The following CSF1R variants were observed in gnomAD, a reference collection of about 807,000 sequenced individuals.
CSF1R encodes the protein colony stimulating factor 1 receptor, also known as macrophage colony-stimulating factor 1 receptor.
CSF1R carries 40 observed loss-of-function variants against 110.0 expected under a neutral mutation model. The ratio of observed to expected loss-of-function variants is 0.36; its 90% CI spans 0.28 to 0.47. The LOEUF (loss-of-function observed/expected upper bound fraction) is 0.47, where lower values mean the gene tolerates loss of function less well. Ranked by LOEUF, CSF1R falls within the 20% of genes least tolerant of loss-of-function variation. The pLI is 0.99. For missense variants in CSF1R, 1,052 were observed against 1,253.0 expected (o/e 0.84, Z 2.42); for synonymous variants, 523 against 503.4 (o/e 1.04, Z -0.52).
At chr5:150,063,375 G>A (rs1034358173) in intron 10 of CSF1R, among the ~76,000 whole-genome samples, 28 of 151,898 alleles carry the variant, frequency 1.8e-4, no homozygotes, top group African/African-American at 6.3e-4. Flanking sequence ...TTGAGACAGA[G>A]TCTTGCTCCT....
At position 150,073,305 on chromosome 5, in the gene CSF1R, A is replaced by G. The variant is rs1758107078; in HGVS notation, c.1078T>C (p.Tyr360His). The change falls in exon 6 of 21, where the codon TAC (tyrosine) becomes CAC (histidine). Residue 360 changes from tyrosine to histidine, a missense_variant. Physicochemically the swap from Tyr to His is moderately conservative, Grantham distance 83. Coordinates refer to ENST00000675795, the MANE Select transcript of CSF1R (RefSeq NM_001288705.3). ...KLANATTKDT[Y>H]RHTFTLSLPR... The stretch of plus-strand genomic sequence containing the variant: ...ACGGGAGCTGATAAGTGGTACCTGT[A>G]TGTGTCCTTGGTGGTAGCATTAGCA... The G allele has an allele frequency of 6.2e-7, 1 of 1,613,404 alleles. No homozygotes were observed. Among genetic ancestry groups the G allele is most frequent in the Non-Finnish European group, 8.5e-7 (1 of 1,179,694 alleles).
intron 1 of CSF1R, chr5:150,094,270 C>G: frequency 6.9e-7 from 1 of 1,443,626 alleles, no homozygotes; most frequent in South Asian, 1.2e-5. Flanking sequence ...CACTTTAGAA[C>G]AGAGCTTCAG....
At chr5:150,084,614 G>A (rs1277023827) in intron 1 of CSF1R, among the ~76,000 whole-genome samples, 3 of 151,280 alleles carry the variant, frequency 2.0e-5, no homozygotes, top group Non-Finnish European at 4.4e-5. Context: ...CACCACACCC[G>A]GCTAATTTTT....
intron 10 of CSF1R, among the ~76,000 whole-genome samples, chr5:150,066,333 C>G (rs991547606): frequency 1.3e-5 from 2 of 152,192 alleles, no homozygotes; most frequent in Admixed American, 6.5e-5. Context: ...GGAGAAGAGA[C>G]TCAGACACAC....
At chr5:150,091,156 G>C (rs1248092486), upstream of CSF1R, among the ~76,000 whole-genome samples, 1 of 152,196 alleles carries the variant, frequency 6.6e-6, no homozygotes, top group African/African-American at 2.4e-5. Context: ...TGAGGATGTG[G>C]AGAAATTGGA....
At chr5:150,090,472 C>G (rs189847681), upstream of CSF1R, among the ~76,000 whole-genome samples, 65 of 152,314 alleles carry the variant, frequency 4.3e-4, no homozygotes, top group African/African-American at 1.3e-3. Flanking sequence ...CACCAAACAA[C>G]CACGGATCTG....
At chr5:150,065,151 C>G (rs1272375758) in intron 10 of CSF1R, among the ~76,000 whole-genome samples, 1 of 152,208 alleles carries the variant, frequency 6.6e-6, no homozygotes, top group East Asian at 1.9e-4. Flanking sequence ...TTCCCTTCCT[C>G]CCATCCTCCC....
At chr5:150,103,692 G>A (rs754321730) in intron 1 of CSF1R, among the ~76,000 whole-genome samples, 38 of 152,206 alleles carry the variant, frequency 2.5e-4, no homozygotes, top group Non-Finnish European at 4.1e-4. Context: ...CTTGAAGGAG[G>A]AGCAGCAACC....
rs1188913271 is a variant in CSF1R, at chr5:150,080,997, C to T, written c.77G>A (p.Ser26Asn). The stretch of plus-strand genomic sequence containing the variant: ...TGGCTTCACGACCAGCTCAGGGACA[C>T]TGGGCTCTATCACTGGGATTCCCTG... ...HGQGIPVIEP[S>N]VPELVVKPGA... The change falls in exon 2 of 21, where the codon AGT (serine) becomes AAT (asparagine). Residue 26 changes from serine (S) to asparagine (N), a missense_variant. Physicochemically the swap from Ser to Asn is conservative, Grantham distance 46 (BLOSUM62 1). Transcript: ENST00000675795. 1.2e-6 allele frequency: 2 copies of T among 1,613,942 alleles called. No individual in the cohort carries two copies. The highest frequency in any genetic ancestry group is 4.5e-5 in the East Asian group (2 of 44,886).
At chr5:150,074,210 T>C (rs1758154343) in intron 5 of CSF1R, among the ~76,000 whole-genome samples, 1 of 152,082 alleles carries the variant, frequency 6.6e-6, no homozygotes, top group African/African-American at 2.4e-5. Context: ...CTGAAGCTGA[T>C]ATCCATGAGC....
At position 150,077,313 on chromosome 5, in the gene CSF1R, C is replaced by G. The variant is rs1758309156; in HGVS notation, c.852G>C (p.Gln284His). The G allele has an allele frequency of 6.2e-7, 1 of 1,614,128 alleles. No individual in the cohort carries two copies. ...GNYSCVASNVQGKHSTSMFFR... is the reference protein window; with the variant it reads ...GNYSCVASNVHGKHSTSMFFR... ...AGAACATGGAGGTGGAGTGCTTGCCCTGCACGTTGCTGGCCACGCAGGAGT... is the reference window on the plus strand; with the variant it reads ...AGAACATGGAGGTGGAGTGCTTGCCGTGCACGTTGCTGGCCACGCAGGAGT... Residue 284 changes from glutamine to histidine, a missense_variant, in exon 5 of 21, where the codon CAG (glutamine) becomes CAC (histidine). Coordinates refer to ENST00000675795, the MANE Select transcript of CSF1R (RefSeq NM_001288705.3).
At chr5:150,108,990 T>G (rs895824683) in intron 1 of CSF1R, among the ~76,000 whole-genome samples, 1 of 151,476 alleles carries the variant, frequency 6.6e-6, no homozygotes, top group African/African-American at 2.4e-5. Context: ...GTGGCAGATT[T>G]TCTTCCAAGC....
At position 150,059,680 on chromosome 5, in the gene CSF1R, T is replaced by C. The variant is rs1331020014; in HGVS notation, c.2132+20A>G. 2 of 1,611,504 alleles carry C rather than the reference T, an allele frequency of 1.2e-6. No homozygotes were observed. Among genetic ancestry groups the C allele is most frequent in the Non-Finnish European group, 1.7e-6 (2 of 1,177,884 alleles). ...TGCCTCCCAGACCTGGCCTTTTTCTTGTCCTTTGCCAGGGGCTACCTGCGG... is the reference window on the plus strand; with the variant it reads ...TGCCTCCCAGACCTGGCCTTTTTCTCGTCCTTTGCCAGGGGCTACCTGCGG... On this transcript the variant is annotated intron_variant, in intron 14 of 20. Transcript: ENST00000675795.
At chr5:150,081,487 G>C (rs558675000) in intron 1 of CSF1R, among the ~76,000 whole-genome samples, 27 of 152,282 alleles carry the variant, frequency 1.8e-4, no homozygotes, top group African/African-American at 6.0e-4. Flanking sequence ...AGAGATGTAG[G>C]ATCTTAGCCC....
intron 1 of CSF1R, among the ~76,000 whole-genome samples, 196 bp downstream of exon 1, chr5:150,086,183 G>T (rs1758837472): frequency 6.6e-6 from 1 of 152,120 alleles, no homozygotes; most frequent in Non-Finnish European, 1.5e-5. Context: ...ACAGCACCAG[G>T]TGGACCAGTT....
intron 1 of CSF1R, among the ~76,000 whole-genome samples, chr5:150,112,462 C>A (rs991552607): frequency 5.9e-5 from 9 of 152,208 alleles, no homozygotes; most frequent in African/African-American, 2.2e-4. Flanking sequence ...GAAACTGAGG[C>A]CTGATGTGGT....
Position 150,077,591 on chromosome 5 carries a change from A to G in CSF1R, c.730-156T>C, listed in dbSNP as rs1758324167. ...GGGCTAATACTGGCTCCCTGCCCCA[A>G]GACTGTAGTGAGGAGTAAATGAGAT... On this transcript the variant is annotated intron_variant, in intron 4 of 20. Transcript: ENST00000675795. Among the ~76,000 whole-genome samples, 3 of 152,088 alleles carry G rather than the reference A, an allele frequency of 2.0e-5. 1 individual carries two copies. The South Asian group carries it at 6.2e-4, about 32-fold the overall frequency.
intron 10 of CSF1R, among the ~76,000 whole-genome samples, chr5:150,065,639 A>G (rs1757732769): frequency 6.6e-6 from 1 of 152,200 alleles, no homozygotes; most frequent in Admixed American, 6.5e-5. Flanking sequence ...GAGGGCAGGC[A>G]CTTAGCACGG....
At chr5:150,068,150 C>T in intron 10 of CSF1R, 65 bp downstream of exon 10, 1 of 1,287,964 alleles carries the variant, frequency 7.8e-7, no homozygotes, top group Non-Finnish European at 1.1e-6. Flanking sequence ...ATCCATGCAG[C>T]CTGGGGGTAC....
Sources: gnomAD v4.1 joint callset for allele counts (sites outside exome capture counted in the v4.1 genomes callset) on GRCh38, gnomAD v4.1.1 for gene constraint, MANE v1.5 for transcripts, NCBI Gene and HGNC (gene_info 2026-07-23, HGNC 2026-07-21) for gene names.